Variants in ALK observed in about 807,000 individuals in gnomAD.
ALK encodes the protein ALK receptor tyrosine kinase, also known as ALK tyrosine kinase receptor.
A neutral mutation model predicts 163.1 loss-of-function variants in ALK; 74 were observed. The observed-to-expected ratio is 0.45, with a 90% CI of 0.38 to 0.55. The LOEUF is 0.55. Ranked by LOEUF, ALK falls within the 20% of genes least tolerant of loss-of-function variation. The pLI is 0.00. For synonymous variants in ALK, 960 were observed against 843.2 expected (o/e 1.14, Z -2.40); for missense variants, 2,063 against 2,105.3 (o/e 0.98, Z 0.39).
In ALK at chr2:29,193,859, T is replaced by C. The variant is rs755276699; in HGVS notation, c.4228A>G (p.Lys1410Glu). 2.5e-6 allele frequency: 4 copies of C among 1,613,898 alleles called. No homozygotes were observed. The South Asian group carries it at 4.4e-5, about 18-fold the overall frequency. Residue 1410 changes from lysine (K) to glutamate (E), a missense_variant, in exon 29 of 29, where the codon AAA becomes GAA. By Grantham distance (56) the Lys-to-Glu change is moderately conservative (BLOSUM62 1). This residue lies in a region of ALK where 403 missense variants were observed against 366.2 expected (regional missense o/e 1.10). Transcript: ENST00000389048. ...GGGTCCTTGGGCCTCACAGGCACTT[T>C]CTCTTCCTCTTCCACAAGTGGACCA... The part of the protein sequence containing the change: ...EYGPLVEEEE[K>E]VPVRPKDPEG...
At chr2:29,672,003 C>A (rs1677704900) in intron 3 of ALK, among the ~76,000 whole-genome samples, 2 of 151,316 alleles carry the variant, frequency 1.3e-5, no homozygotes, top group Admixed American at 6.6e-5. Flanking sequence ...ATTCTACTCT[C>A]CAAAAGTAAT....
At chr2:29,468,853 C>CA (rs70958265) in intron 4 of ALK, among the ~76,000 whole-genome samples, 12,870 of 30,882 alleles carry the variant, frequency 0.42, 4,145 homozygotes, top group Non-Finnish European at 0.49. Flanking sequence ...GACCCTGCCT[C>CA]AAAAAAAAAA....
Position 29,207,929 on chromosome 2 carries a change from T to C in ALK, c.3837-657A>G, listed in dbSNP as rs777349210. 1.5e-5 allele frequency: 6 copies of C among 392,692 alleles called. No individual in the cohort carries two copies. In the Middle Eastern group the frequency reaches 2.1e-3, roughly 140 times the overall value. 24.3% of individuals were successfully genotyped at this position (392,692 alleles called of 1,614,324 possible). A position where few individuals can be genotyped will look rare whatever the true frequency, so the allele number is the denominator to read the frequency against. On this transcript the variant is annotated intron_variant, in intron 25 of 28. Transcript: ENST00000389048. ...ATCTGCCTGTTAGGCCAATTGCATG[T>C]CTAGCCTGGTGTTCTCCTGTGTGAG...
intron 4 of ALK, among the ~76,000 whole-genome samples, chr2:29,447,219 C>T (rs1340730270): frequency 6.6e-6 from 1 of 152,144 alleles, no homozygotes; most frequent in Non-Finnish European, 1.5e-5. Flanking sequence ...AGCTGACCTT[C>T]CAGCCAGAGT....
At chr2:29,229,102 T>C (rs1664111888) in intron 15 of ALK, 36 bp from the exon 16 acceptor site, 2 of 1,601,780 alleles carry the variant, frequency 1.2e-6, no homozygotes, top group South Asian at 2.2e-5. Flanking sequence ...GTGAGGATGC[T>C]GGCAAGGTTC....
chr2:29,196,667 C>A, intron 28 of ALK, 103 bp downstream of exon 28: 1 of 876,122 alleles, frequency 1.1e-6, no homozygotes, highest in Non-Finnish European at 2.0e-6. Context: ...GATCATAAAT[C>A]TTGTACTCTG....
At chr2:29,229,796 GCCTGCTT>G in intron 15 of ALK, among the ~76,000 whole-genome samples, 1 of 152,198 alleles carries the variant, frequency 6.6e-6, no homozygotes, top group South Asian at 2.1e-4. Flanking sequence ...CCTGGGCTCA[GCCTGCTT>G]AGAGGTTCTC....
intron 1 of ALK, among the ~76,000 whole-genome samples, chr2:29,743,480 C>T (rs1191912015): frequency 1.3e-5 from 2 of 152,196 alleles, no homozygotes; most frequent in Admixed American, 6.5e-5. Flanking sequence ...AAGCTATCCC[C>T]TCCACAAAGG....
chr2:29,586,126 CTT>C (rs1674880675), intron 3 of ALK, among the ~76,000 whole-genome samples: 1 of 152,068 alleles, frequency 6.6e-6, no homozygotes, highest in Non-Finnish European at 1.5e-5. Flanking sequence ...TAATTTGCAT[CTT>C]TGAATACCAG....
intron 23 of ALK, among the ~76,000 whole-genome samples, chr2:29,216,934 G>GGGCATGTGTGTGGT (rs1219959223): frequency 0.062 from 584 of 9,416 alleles, 1 homozygote; most frequent in Non-Finnish European, 0.13. Flanking sequence ...GTGTGTGGGG[G>GGGCATGTGTGTGGT]GTGTGTGTGT....
chr2:29,517,557 G>A (rs1672705170), intron 4 of ALK, among the ~76,000 whole-genome samples: 1 of 152,132 alleles, frequency 6.6e-6, no homozygotes, highest in Non-Finnish European at 1.5e-5. Flanking sequence ...TTTAGGCCAT[G>A]AGCCCAGGTG....
intron 3 of ALK, among the ~76,000 whole-genome samples, chr2:29,610,956 T>A (rs1411631611): frequency 6.6e-6 from 1 of 152,138 alleles, no homozygotes; most frequent in Admixed American, 6.5e-5. Context: ...GTGTCTGGGA[T>A]CATTAATTGA....
intron 3 of ALK, among the ~76,000 whole-genome samples, chr2:29,608,771 A>C (rs947301566): frequency 7.2e-5 from 11 of 152,236 alleles, no homozygotes; most frequent in African/African-American, 2.4e-4. Flanking sequence ...AATCTTAGAC[A>C]GAGGACTTCT....
At chr2:29,252,543 G>T (rs1464969416) in intron 11 of ALK, among the ~76,000 whole-genome samples, 1 of 152,148 alleles carries the variant, frequency 6.6e-6, no homozygotes, top group Non-Finnish European at 1.5e-5. Flanking sequence ...ACTGCCATGG[G>T]CAGGGTTGCT....
intron 2 of ALK, among the ~76,000 whole-genome samples, chr2:29,714,427 G>C: frequency 6.6e-6 from 1 of 152,220 alleles, no homozygotes; most frequent in Middle Eastern, 3.4e-3. Flanking sequence ...TTACAGACTG[G>C]GGGTGAATAA....
intron 1 of ALK, among the ~76,000 whole-genome samples, chr2:29,912,504 T>C (rs879922802): frequency 6.6e-6 from 1 of 152,140 alleles, no homozygotes; most frequent in African/African-American, 2.4e-5. Context: ...GAATTTATCG[T>C]CAATAGTCTT....
At chr2:29,838,939 G>A (rs967683791) in intron 1 of ALK, among the ~76,000 whole-genome samples, 1 of 152,118 alleles carries the variant, frequency 6.6e-6, no homozygotes, top group Non-Finnish European at 1.5e-5. Flanking sequence ...GAATAAAAAT[G>A]TTTAAAAGTT....
At chr2:29,741,593 G>A (rs1680058510) in intron 1 of ALK, among the ~76,000 whole-genome samples, 1 of 152,200 alleles carries the variant, frequency 6.6e-6, no homozygotes, top group Non-Finnish European at 1.5e-5. Context: ...AAGCTTTTAA[G>A]TTGAGCTGCT....
chr2:29,701,219 C>G (rs777697861), intron 2 of ALK, among the ~76,000 whole-genome samples: 3 of 152,214 alleles, frequency 2.0e-5, no homozygotes, highest in Non-Finnish European at 4.4e-5. Context: ...GATCAAGGCC[C>G]TTTATGCCTC....
Sources: gnomAD v4.1 joint callset for allele counts (sites outside exome capture counted in the v4.1 genomes callset) on GRCh38, gnomAD v4.1.1 for gene constraint, gnomAD v4.1.1 regional missense constraint, MANE v1.5 for transcripts, NCBI Gene and HGNC (gene_info 2026-07-23, HGNC 2026-07-21) for gene names.